PPFIA1: variants seen among roughly 807,000 people sequenced by gnomAD.
PPFIA1 encodes the protein liprin-alpha-1.
Under a neutral mutation model 149.9 loss-of-function variants are expected in PPFIA1, and 25 were observed. The observed-to-expected ratio is 0.17, with a 90% CI of 0.12 to 0.23. The LOEUF is 0.23. PPFIA1 is among the 10% of genes least tolerant of loss of function. The probability of loss-of-function intolerance (pLI) is 1.00; values close to 1 mark genes in which losing one functional copy is unlikely to be tolerated. For missense variants in PPFIA1, 1,362 were observed against 1,506.5 expected (o/e 0.90, Z 1.59); for synonymous variants, 549 against 552.8 (o/e 0.99, Z 0.10).
intron 2 of PPFIA1, among the ~76,000 whole-genome samples, chr11:70,283,540 T>C (rs113776694): frequency 1.7e-4 from 26 of 152,270 alleles, no homozygotes; most frequent in African/African-American, 6.0e-4. Context: ...ATGGGTGAGC[T>C]TCAGCTGGTT....
Position 70,343,653 on chromosome 11 carries a change from G to A in PPFIA1, c.1708-16G>A. On this transcript the variant is annotated splice_polypyrimidine_tract_variant and intron_variant, in intron 14 of 27. Transcript: ENST00000253925. ...TTGTTACTTTATCTACTGAGATTTGGTTTTCTTGTTTATAGGTACAAACTC... is the reference window on the plus strand; with the variant it reads ...TTGTTACTTTATCTACTGAGATTTGATTTTCTTGTTTATAGGTACAAACTC... 1 of 1,609,360 alleles carries A rather than the reference G, an allele frequency of 6.2e-7. No homozygotes were observed. The highest frequency in any genetic ancestry group is 8.5e-7 in the Non-Finnish European group (1 of 1,175,790).
intron 11 of PPFIA1, among the ~76,000 whole-genome samples, chr11:70,337,023 G>A (rs1437614522): frequency 3.9e-5 from 6 of 152,166 alleles, no homozygotes; most frequent in Non-Finnish European, 8.8e-5. Flanking sequence ...TTTTAATTAT[G>A]CATTTGAAAC....
rs773827445 is a variant in PPFIA1, at chr11:70,343,785, C to T, written c.1824C>T (p.Asp608=). The change falls in exon 15 of 28, where the codon GAC becomes GAT. Residue 608 remains aspartate, a synonymous_variant. Transcript: ENST00000253925. The part of the protein sequence containing the change: ...ADVSDGEDDR[D]TLLSSVDLLS... ...TGTCTGATGGTGAAGATGACAGGGACACTCTCCTCAGCTCAGTTGACCTGC... is the reference window on the plus strand; with the variant it reads ...TGTCTGATGGTGAAGATGACAGGGATACTCTCCTCAGCTCAGTTGACCTGC... The T allele has an allele frequency of 6.2e-7, 1 of 1,614,178 alleles. No individual in the cohort carries two copies. The highest frequency in any genetic ancestry group is 1.1e-5 in the South Asian group (1 of 91,080).
chr11:70,354,498 G>A (rs759124696), intron 17 of PPFIA1, 46 bp downstream of exon 17: 12 of 1,538,920 alleles, frequency 7.8e-6, no homozygotes, highest in East Asian at 2.3e-5. Context: ...CTGTCTTTTC[G>A]TTTCTGGTGT....
chr11:70,342,936 CTTTT>C (rs71463672), intron 14 of PPFIA1, among the ~76,000 whole-genome samples: 1,550 of 77,752 alleles, frequency 0.02, 10 homozygotes, highest in African/African-American at 0.094. Context: ...AATGTACCAC[CTTTT>C]TTTTTTTTTT....
Position 70,372,346 on chromosome 11 carries a change from G to C in PPFIA1, c.2997G>C (p.Lys999Asn), listed in dbSNP as rs1381556574. 2 of 1,614,214 alleles carry C rather than the reference G, an allele frequency of 1.2e-6. No homozygotes were observed. Among genetic ancestry groups the C allele is most frequent in the Non-Finnish European group, 1.7e-6 (2 of 1,180,040 alleles). Reference protein sequence around the residue: ...VDARMLDHLTKKDLRGQLKMV... With the variant: ...VDARMLDHLTNKDLRGQLKMV... ...CCAGGATGCTGGACCACTTGACCAAGAAAGACCTTCGAGGGCAGCTGAAAA... is the reference window on the plus strand; with the variant it reads ...CCAGGATGCTGGACCACTTGACCAACAAAGACCTTCGAGGGCAGCTGAAAA... Residue 999 changes from lysine to asparagine, a missense_variant, in exon 22 of 28, where the codon AAG (lysine) becomes AAC (asparagine). By Grantham distance (94) the Lys-to-Asn change is moderately conservative. Transcript: ENST00000253925.
At chr11:70,276,616 A>G (rs1049661256) in intron 2 of PPFIA1, among the ~76,000 whole-genome samples, 4 of 152,036 alleles carry the variant, frequency 2.6e-5, no homozygotes, top group African/African-American at 9.7e-5. Context: ...TCTTCCTTAA[A>G]TGTTTGAAAT....
At chr11:70,320,436 C>CTTTT (rs34619705) in intron 2 of PPFIA1, among the ~76,000 whole-genome samples, 4 of 128,336 alleles carry the variant, frequency 3.1e-5, no homozygotes, top group Admixed American at 8.1e-5. Context: ...GATGTAGCTA[C>CTTTT]TTTTTTTTTT....
intron 21 of PPFIA1, chr11:70,366,024 G>A: frequency 2.2e-6 from 1 of 448,370 alleles, no homozygotes; most frequent in Non-Finnish European, 4.4e-6. Flanking sequence ...AAAAGCAATT[G>A]GAGTATGAAA....
intron 15 of PPFIA1, among the ~76,000 whole-genome samples, chr11:70,344,273 G>C (rs1283003187): frequency 6.6e-6 from 1 of 152,156 alleles, no homozygotes; most frequent in Admixed American, 6.5e-5. Flanking sequence ...GAGGCTGATC[G>C]GCCTACCTTC....
chr11:70,287,859 C>A (rs2136172680), intron 2 of PPFIA1, among the ~76,000 whole-genome samples: 1 of 152,120 alleles, frequency 6.6e-6, no homozygotes, highest in African/African-American at 2.4e-5. Flanking sequence ...GTGCCCCAGG[C>A]TGGTCTTGAA....
At chr11:70,362,255 C>T (rs1270272525) in intron 20 of PPFIA1, 33 bp from the exon 21 acceptor site, 2 of 1,613,670 alleles carry the variant, frequency 1.2e-6, no homozygotes, top group African/African-American at 1.3e-5. Context: ...CTGTACCTCA[C>T]TGTGCTGCCT....
At chr11:70,279,722 G>GGTGT (rs71046599) in intron 2 of PPFIA1, among the ~76,000 whole-genome samples, 3,295 of 135,348 alleles carry the variant, frequency 0.024, 89 homozygotes, top group African/African-American at 0.066. Flanking sequence ...TATGTGTCTA[G>GGTGT]GTGTGTGTGT....
intron 19 of PPFIA1, among the ~76,000 whole-genome samples, chr11:70,360,554 TC>T (rs1480413733): frequency 6.6e-6 from 1 of 152,244 alleles, no homozygotes; most frequent in Admixed American, 6.5e-5. Context: ...CTGTACTACT[TC>T]CTAGACCCAC....
At chr11:70,349,629 A>G (rs1461915075) in intron 16 of PPFIA1, among the ~76,000 whole-genome samples, 6 of 152,190 alleles carry the variant, frequency 3.9e-5, no homozygotes, top group East Asian at 1.9e-4. Context: ...CCAGCATGCA[A>G]TTAAATCGAC....
At chr11:70,319,702 T>C (rs1361951606) in intron 2 of PPFIA1, among the ~76,000 whole-genome samples, 1 of 152,184 alleles carries the variant, frequency 6.6e-6, no homozygotes, top group African/African-American at 2.4e-5. Context: ...CCTTCAACAT[T>C]AAATCCAGGT....
chr11:70,307,574 C>G (rs2052936444), intron 2 of PPFIA1, among the ~76,000 whole-genome samples: 1 of 151,988 alleles, frequency 6.6e-6, no homozygotes, highest in African/African-American at 2.4e-5. Flanking sequence ...ACCTTTATTA[C>G]TGATCCAAAA....
chr11:70,382,339 C>G lies in PPFIA1; in HGVS notation c.*12+181C>G, dbSNP rs757959469. ...AGATCATTTTGTTGTTACAATTGATCATAAAGAGGTTAGTGTGTCCTCTTT... is the reference window on the plus strand; with the variant it reads ...AGATCATTTTGTTGTTACAATTGATGATAAAGAGGTTAGTGTGTCCTCTTT... On this transcript the variant is annotated intron_variant, in intron 27 of 27. Coordinates refer to ENST00000253925, the MANE Select transcript of PPFIA1 (RefSeq NM_003626.5). 9.2e-5 allele frequency among the ~76,000 whole-genome samples: 14 copies of G among 152,088 alleles called. 1 individual carries two copies. Among genetic ancestry groups the G allele is most frequent in the Non-Finnish European group, 1.5e-4 (10 of 68,038 alleles).
intron 2 of PPFIA1, among the ~76,000 whole-genome samples, chr11:70,315,578 G>A (rs900003609): frequency 3.3e-5 from 5 of 151,842 alleles, no homozygotes; most frequent in African/African-American, 4.8e-5. Context: ...CACAGTGTGA[G>A]CTCTGCATGC....
Sources: gnomAD v4.1 joint callset for allele counts (sites outside exome capture counted in the v4.1 genomes callset) on GRCh38, gnomAD v4.1.1 for gene constraint, MANE v1.5 for transcripts, NCBI Gene and HGNC (gene_info 2026-07-23, HGNC 2026-07-21) for gene names.